DIAPH2: variants seen among roughly 807,000 people sequenced by gnomAD.
DIAPH2 encodes the protein diaphanous related formin 2, also known as protein diaphanous homolog 2.
DIAPH2 carries 35 observed loss-of-function variants against 92.7 expected under a neutral mutation model. That is an observed-to-expected ratio of 0.38 (90% confidence interval 0.29 to 0.50). The LOEUF is 0.50. DIAPH2 is among the 20% of genes least tolerant of loss of function. DIAPH2 has a pLI of 0.94. For missense variants in DIAPH2, 701 were observed against 819.5 expected (o/e 0.86, Z 1.77); for synonymous variants, 301 against 280.4 (o/e 1.07, Z -0.73).
rs754425834 is a variant in DIAPH2 at position 97,534,984 on chromosome X, A to G, written c.3242-64269A>G. ...ACAAACCCAAATTGAGGGACATTCTACAAAATACTTGACCATTACTGCTCA... is the reference window on the plus strand; with the variant it reads ...ACAAACCCAAATTGAGGGACATTCTGCAAAATACTTGACCATTACTGCTCA... On this transcript the variant is annotated intron_variant, in intron 26 of 26. Transcript: ENST00000324765. 6.3e-5 allele frequency among the ~76,000 whole-genome samples: 7 copies of G among 111,572 alleles called. No homozygotes were observed. The South Asian group carries it at 2.7e-3, about 43-fold the overall frequency.
At chrX:96,843,910 T>TA (rs894862608) in intron 4 of DIAPH2, among the ~76,000 whole-genome samples, 2 of 111,886 alleles carry the variant, frequency 1.8e-5, no homozygotes, top group African/African-American at 6.5e-5. Flanking sequence ...TATTTGTCCA[T>TA]AAGAAGGGGC....
chrX:97,515,462 A>G (rs1840544846), intron 26 of DIAPH2, among the ~76,000 whole-genome samples: 1 of 111,791 alleles, frequency 8.9e-6, no homozygotes, highest in African/African-American at 3.3e-5. Context: ...TGCAGAAATC[A>G]CCTGTCTTCT....
intron 21 of DIAPH2, among the ~76,000 whole-genome samples, chrX:97,121,683 G>A (rs934428603): frequency 1.9e-4 from 21 of 111,916 alleles, no homozygotes; most frequent in African/African-American, 4.2e-4. Context: ...TTGTAAAGAC[G>A]CAAAAATGTG....
At chrX:97,415,174 A>G (rs947918082) in intron 25 of DIAPH2, among the ~76,000 whole-genome samples, 1 of 112,270 alleles carries the variant, frequency 8.9e-6, no homozygotes, top group Non-Finnish European at 1.9e-5. Context: ...CACCAGTTAG[A>G]ATGGCGATCA....
chrX:97,084,007 C>CT (rs770441895), intron 19 of DIAPH2, among the ~76,000 whole-genome samples: 4,238 of 106,192 alleles, frequency 0.04, 86 homozygotes, highest in Non-Finnish European at 0.058. Context: ...TGTGAATAGG[C>CT]TTTTTTTTTT....
chrX:97,461,301 C>T (rs1399948939), intron 26 of DIAPH2, among the ~76,000 whole-genome samples: 1 of 109,434 alleles, frequency 9.1e-6, no homozygotes, highest in Non-Finnish European at 1.9e-5. Context: ...GTTTGACACA[C>T]ACAAGAGTAA....
intron 1 of DIAPH2, among the ~76,000 whole-genome samples, chrX:96,729,489 A>T (rs1486377341): frequency 8.9e-6 from 1 of 111,875 alleles, no homozygotes; most frequent in African/African-American, 3.3e-5. Context: ...TGTCACACAC[A>T]GACTGCTATA....
At chrX:96,896,308 G>T (rs912733729) in intron 5 of DIAPH2, among the ~76,000 whole-genome samples, 1 of 111,166 alleles carries the variant, frequency 9.0e-6, no homozygotes, top group African/African-American at 3.3e-5. Context: ...TCCAATATTT[G>T]TTCATGAAAG....
chrX:96,692,836 C>T (rs890646282), intron 1 of DIAPH2, among the ~76,000 whole-genome samples: 1 of 112,278 alleles, frequency 8.9e-6, no homozygotes, highest in Non-Finnish European at 1.9e-5. Context: ...CACCCCACCA[C>T]AACAACTAAG....
chrX:97,548,451 A>T (rs1293482236), intron 26 of DIAPH2, among the ~76,000 whole-genome samples: 1 of 111,967 alleles, frequency 8.9e-6, no homozygotes, highest in Non-Finnish European at 1.9e-5. Context: ...CTTTGGCTAG[A>T]AAGAATGGCA....
At chrX:97,253,543 C>T (rs1432678153) in intron 23 of DIAPH2, among the ~76,000 whole-genome samples, 4 of 109,011 alleles carry the variant, frequency 3.7e-5, no homozygotes, top group Admixed American at 2.0e-4. Context: ...GTGAGGAGTT[C>T]GAGACCAGCC....
At chrX:97,226,783 GTGTATATATA>G (rs2067969009) in intron 22 of DIAPH2, among the ~76,000 whole-genome samples, 1 of 112,185 alleles carries the variant, frequency 8.9e-6, no homozygotes, top group Non-Finnish European at 1.9e-5. Context: ...ATTTGTGTGT[GTGTATATATA>G]TGTATATATG....
At chrX:96,851,738 G>A (rs985930631) in intron 4 of DIAPH2, among the ~76,000 whole-genome samples, 2 of 112,020 alleles carry the variant, frequency 1.8e-5, no homozygotes, top group African/African-American at 6.5e-5. Flanking sequence ...CACAGCCGCA[G>A]AGGGCTGACT....
intron 4 of DIAPH2, among the ~76,000 whole-genome samples, chrX:96,863,281 C>T (rs1211056198): frequency 1.1e-5 from 1 of 90,930 alleles, no homozygotes; most frequent in Admixed American, 1.2e-4. Flanking sequence ...TTTTCCTGTA[C>T]TATTTTGTAC....
intron 5 of DIAPH2, among the ~76,000 whole-genome samples, chrX:96,899,318 A>G (rs1035513394): frequency 8.2e-5 from 9 of 110,127 alleles, no homozygotes; most frequent in African/African-American, 2.6e-4. Context: ...TACCTTGGGC[A>G]GTATGGCCAT....
intron 25 of DIAPH2, among the ~76,000 whole-genome samples, chrX:97,389,120 C>G (rs1439564012): frequency 2.7e-5 from 3 of 110,731 alleles, no homozygotes; most frequent in Non-Finnish European, 5.7e-5. Context: ...CCAGGAGTCC[C>G]CCGCCACACT....
At chrX:97,164,297 C>T (rs966483046) in intron 22 of DIAPH2, among the ~76,000 whole-genome samples, 3 of 111,736 alleles carry the variant, frequency 2.7e-5, no homozygotes, top group African/African-American at 9.8e-5. Flanking sequence ...GGCTGAAGTA[C>T]CTTGTTCTGA....
intron 17 of DIAPH2, among the ~76,000 whole-genome samples, chrX:97,069,994 T>C (rs2066658388): frequency 9.0e-6 from 1 of 111,680 alleles, no homozygotes; most frequent in African/African-American, 3.2e-5. Flanking sequence ...TTAAAGGAAA[T>C]ATAAGAATAC....
chrX:97,283,102 A>G (rs1277081917), intron 23 of DIAPH2, among the ~76,000 whole-genome samples: 1 of 112,006 alleles, frequency 8.9e-6, no homozygotes. Context: ...TGTAATTTGC[A>G]TGTGGTCATA....
Sources: gnomAD v4.1 joint callset for allele counts (sites outside exome capture counted in the v4.1 genomes callset) on GRCh38, gnomAD v4.1.1 for gene constraint, MANE v1.5 for transcripts, NCBI Gene and HGNC (gene_info 2026-07-23, HGNC 2026-07-21) for gene names.